The following OCA2 variants were observed in gnomAD, a reference collection of about 807,000 sequenced individuals.
OCA2 encodes OCA2 melanosomal transmembrane protein, also known as P protein.
Under a neutral mutation model 100.2 loss-of-function variants are expected in OCA2, and 77 were observed. That is an observed-to-expected ratio of 0.77 (90% CI 0.64 to 0.93). The LOEUF (loss-of-function observed/expected upper bound fraction) is 0.93. Among genes scored for constraint, OCA2 ranks in the 40% least tolerant of loss-of-function variants. OCA2 has a pLI of 0.00. For missense variants in OCA2, 1,062 were observed against 1,089.1 expected (o/e 0.98, Z 0.35); for synonymous variants, 432 against 439.2 (o/e 0.98, Z 0.21).
intron 2 of OCA2, among the ~76,000 whole-genome samples, chr15:28,057,903 C>T (rs575247878): frequency 7.0e-4 from 107 of 152,304 alleles, no homozygotes; most frequent in African/African-American, 2.5e-3. Flanking sequence ...ATCAACCAAA[C>T]TAAGCCACCA....
Position 27,851,424 on chromosome 15 carries a change from G to C in OCA2, c.2296C>G (p.Pro766Ala), listed in dbSNP as rs144064082. 19 of 1,613,892 alleles carry C rather than the reference G, an allele frequency of 1.2e-5. No homozygotes were observed. Among genetic ancestry groups the C allele is most frequent in the Admixed American group, 1.7e-5 (1 of 59,996 alleles). The change falls in exon 22 of 24, where the codon CCG becomes GCG. Residue 766 changes from proline to alanine, a missense_variant. Coordinates refer to ENST00000354638, the MANE Select transcript of OCA2 (RefSeq NM_000275.3). The part of the protein sequence containing the change: ...SHDPEVGLPA[P>A]PLMYALAFGA... ...AAGGCCAGGGCATACATGAGCGGCGGTGCGGGCAGGCCAACCTCAGGGTCG... is the reference window on the plus strand; with the variant it reads ...AAGGCCAGGGCATACATGAGCGGCGCTGCGGGCAGGCCAACCTCAGGGTCG...
chr15:28,058,703 T>C (rs949376653), intron 2 of OCA2, among the ~76,000 whole-genome samples: 5 of 152,230 alleles, frequency 3.3e-5, no homozygotes, highest in Admixed American at 6.5e-5. Flanking sequence ...TAAATAGTAA[T>C]AATCCAGGTG....
intron 9 of OCA2, among the ~76,000 whole-genome samples, chr15:28,003,858 G>A (rs955885744): frequency 2.6e-5 from 4 of 152,184 alleles, no homozygotes; most frequent in Admixed American, 6.5e-5. Flanking sequence ...GAACCCGCCC[G>A]CGCCGCCTGC....
chr15:28,058,148 T>A (rs1425403462), intron 2 of OCA2, among the ~76,000 whole-genome samples: 1 of 152,042 alleles, frequency 6.6e-6, no homozygotes, highest in Non-Finnish European at 1.5e-5. Flanking sequence ...CCCCCAATAA[T>A]GAAATGAGAG....
intron 9 of OCA2, among the ~76,000 whole-genome samples, chr15:28,006,709 A>G (rs924568867): frequency 1.3e-5 from 2 of 152,234 alleles, no homozygotes; most frequent in African/African-American, 4.8e-5. Flanking sequence ...TACTTATGCA[A>G]TATGTTCCAT....
chr15:27,910,828 C>T (rs1027554741), intron 19 of OCA2, among the ~76,000 whole-genome samples: 1 of 151,756 alleles, frequency 6.6e-6, no homozygotes, highest in South Asian at 2.1e-4. Flanking sequence ...TGGTGGAGGG[C>T]ATCTGTAGTC....
the OCA2 span, among the ~76,000 whole-genome samples, chr15:27,739,244 T>C: frequency 6.6e-6 from 1 of 152,066 alleles, no homozygotes; most frequent in Non-Finnish European, 1.5e-5. Flanking sequence ...AGGAGAACAC[T>C]GAAAGAGGAC....
intron 2 of OCA2, among the ~76,000 whole-genome samples, chr15:28,061,749 T>C (rs890014256): frequency 6.6e-6 from 1 of 152,234 alleles, no homozygotes; most frequent in African/African-American, 2.4e-5. Flanking sequence ...CTACTCAGTT[T>C]ATGGCATTTT....
intron 9 of OCA2, among the ~76,000 whole-genome samples, chr15:28,014,358 A>G (rs1165852125): frequency 6.6e-6 from 1 of 152,184 alleles, no homozygotes; most frequent in African/African-American, 2.4e-5. Context: ...ACACAGCCCC[A>G]GGCCATCCGT....
intron 6 of OCA2, among the ~76,000 whole-genome samples, chr15:28,020,164 GC>G (rs1266193276): frequency 2.0e-5 from 3 of 150,578 alleles, no homozygotes; most frequent in Non-Finnish European, 4.4e-5. Context: ...AGGCTGCCCT[GC>G]CCCCTGCTGG....
chr15:27,923,196 T>C (rs1475482296), intron 19 of OCA2, among the ~76,000 whole-genome samples: 2 of 152,230 alleles, frequency 1.3e-5, no homozygotes, highest in African/African-American at 2.4e-5. Context: ...TTTATACATA[T>C]ACTTTACTTT....
chr15:28,006,292 G>C (rs748859047), intron 9 of OCA2, among the ~76,000 whole-genome samples: 18 of 152,068 alleles, frequency 1.2e-4, no homozygotes, highest in Non-Finnish European at 4.4e-5. Context: ...ATCTGGCTTC[G>C]AACAACAGCA....
chr15:28,005,244 T>G (rs2141149943), intron 9 of OCA2, among the ~76,000 whole-genome samples: 1 of 152,160 alleles, frequency 6.6e-6, no homozygotes, highest in South Asian at 2.1e-4. Flanking sequence ...CAGAAAGGGC[T>G]GGGGGGTGTC....
rs1567098505 is a variant in OCA2, at chr15:27,913,895, G to GAAAGAA, written c.2079+12231_2079+12232insTTCTTT. 6.1e-3 allele frequency among the ~76,000 whole-genome samples: 239 copies of GAAAGAA among 38,990 alleles called. 8 individuals carry two copies. The highest frequency in any genetic ancestry group is 0.013 in the East Asian group (16 of 1,188). The allele number at this position is 38,990 out of a possible 152,430, so 25.6% of individuals were successfully genotyped here. A position where few individuals can be genotyped will look rare whatever the true frequency, so the allele number is the denominator to read the frequency against. On this transcript the variant is annotated intron_variant, in intron 19 of 23. Coordinates refer to ENST00000354638, the MANE Select transcript of OCA2 (RefSeq NM_000275.3). ...AGAAAGAAAGAAAGAAAGAAAGAAAGCAAGCAAGCAAGCAAGCAAGCAAGC... is the reference window on the plus strand; with the variant it reads ...AGAAAGAAAGAAAGAAAGAAAGAAAGAAAGAACAAGCAAGCAAGCAAGCAAGCAAGC...
chr15:27,751,775 G>A (rs1180634050), downstream of OCA2, among the ~76,000 whole-genome samples: 1 of 152,194 alleles, frequency 6.6e-6, no homozygotes, highest in Non-Finnish European at 1.5e-5. Flanking sequence ...CTCAGGATCT[G>A]AATGAAGTCC....
At chr15:27,903,890 A>T (rs959405398) in intron 19 of OCA2, among the ~76,000 whole-genome samples, 1 of 152,226 alleles carries the variant, frequency 6.6e-6, no homozygotes, top group Non-Finnish European at 1.5e-5. Context: ...TAGTATTGTA[A>T]GTCACTTTTC....
At chr15:28,033,122 AAAGGAAG>A (rs2042955595) in intron 2 of OCA2, among the ~76,000 whole-genome samples, 1 of 152,220 alleles carries the variant, frequency 6.6e-6, no homozygotes, top group Non-Finnish European at 1.5e-5. Flanking sequence ...AGCTTGTGGA[AAAGGAAG>A]TAACTGCACA....
chr15:27,868,960 G>A (rs1012126637), intron 21 of OCA2, among the ~76,000 whole-genome samples: 4 of 152,176 alleles, frequency 2.6e-5, no homozygotes, highest in East Asian at 1.9e-4. Flanking sequence ...GAGAGACCTC[G>A]ACGCCCACCC....
At chr15:27,844,058 G>C (rs1470806108) in intron 23 of OCA2, among the ~76,000 whole-genome samples, 1 of 152,194 alleles carries the variant, frequency 6.6e-6, no homozygotes, top group Admixed American at 6.5e-5. Context: ...CATTTGACAG[G>C]GGTTTCCAGC....
Sources: allele counts gnomAD v4.1 joint callset (sites outside exome capture counted in the v4.1 genomes callset), GRCh38; gene constraint gnomAD v4.1.1; transcripts MANE v1.5; gene names NCBI Gene and HGNC (gene_info 2026-07-23, HGNC 2026-07-21).